NXPH1: variants seen among roughly 807,000 people sequenced by gnomAD.
The protein encoded by NXPH1 is neurexophilin 1.
A neutral mutation model predicts 23.7 loss-of-function variants in NXPH1; 5 were observed. The observed-to-expected ratio is 0.21, with a 90% CI of 0.11 to 0.44. NXPH1 has a LOEUF of 0.44. NXPH1 is among the 20% of genes least tolerant of loss of function. The pLI, the probability that NXPH1 is intolerant of heterozygous loss-of-function variation, is 0.99. For synonymous variants in NXPH1, 144 were observed against 122.2 expected (o/e 1.18, Z -1.18); for missense variants, 324 against 321.6 (o/e 1.01, Z -0.06).
At chr7:8,558,512 A>G (rs912509004) in intron 2 of NXPH1, among the ~76,000 whole-genome samples, 1 of 151,666 alleles carries the variant, frequency 6.6e-6, no homozygotes, top group African/African-American at 2.4e-5. Context: ...ACTACATAAA[A>G]TGATATCTAT....
At chr7:8,708,828 C>G (rs575873017) in intron 2 of NXPH1, among the ~76,000 whole-genome samples, 1 of 152,220 alleles carries the variant, frequency 6.6e-6, no homozygotes, top group East Asian at 1.9e-4. Flanking sequence ...TTCTCTATAT[C>G]TTGCTACTCA....
intron 2 of NXPH1, among the ~76,000 whole-genome samples, chr7:8,614,631 T>C (rs1433357566): frequency 2.6e-5 from 4 of 152,026 alleles, no homozygotes; most frequent in African/African-American, 7.2e-5. Flanking sequence ...TATATGTCTA[T>C]AGTTTCCATT....
intron 2 of NXPH1, among the ~76,000 whole-genome samples, chr7:8,578,472 C>T (rs1369869352): frequency 6.6e-6 from 1 of 152,158 alleles, no homozygotes; most frequent in Non-Finnish European, 1.5e-5. Flanking sequence ...GAATTCATGC[C>T]ATAGATAATA....
chr7:8,747,398 C>T (rs938634202), intron 2 of NXPH1, among the ~76,000 whole-genome samples: 1 of 152,160 alleles, frequency 6.6e-6, no homozygotes, highest in Non-Finnish European at 1.5e-5. Context: ...TCACTACTTC[C>T]ACAAGTTTTA....
At chr7:8,501,553 A>G (rs1232124772) in intron 2 of NXPH1, among the ~76,000 whole-genome samples, 1 of 152,086 alleles carries the variant, frequency 6.6e-6, no homozygotes, top group Non-Finnish European at 1.5e-5. Flanking sequence ...AAATAATTTC[A>G]AAACTCTAGA....
At chr7:8,730,198 T>A (rs1031849215) in intron 2 of NXPH1, among the ~76,000 whole-genome samples, 2 of 149,552 alleles carry the variant, frequency 1.3e-5, no homozygotes, top group Non-Finnish European at 3.0e-5. Flanking sequence ...GCTTGGTAGA[T>A]CTGCCTCCAT....
intron 2 of NXPH1, chr7:8,690,404 C>T (rs1213363975): frequency 1.3e-5 from 2 of 152,252 alleles, no homozygotes; most frequent in East Asian, 3.9e-4. Flanking sequence ...AACCCAAGTA[C>T]TTCACATGTA....
At chr7:8,496,156 C>T (rs558788471) in intron 2 of NXPH1, among the ~76,000 whole-genome samples, 2 of 152,090 alleles carry the variant, frequency 1.3e-5, no homozygotes, top group Admixed American at 1.3e-4. Context: ...ATCTGCCAGA[C>T]CTGGAGAGTG....
chr7:8,745,719 A>ATTTTTTTTT (rs56019801), intron 2 of NXPH1, among the ~76,000 whole-genome samples: 669 of 111,764 alleles, frequency 6.0e-3, no homozygotes, highest in African/African-American at 7.3e-3. Context: ...CGCCCAGCTA[A>ATTTTTTTTT]TTTTTTTTTT....
chr7:8,650,581 C>T (rs1187745421), intron 2 of NXPH1, among the ~76,000 whole-genome samples: 2 of 152,182 alleles, frequency 1.3e-5, no homozygotes, highest in Non-Finnish European at 2.9e-5. Context: ...GGTATTCTTG[C>T]AGCTTTCTCC....
intron 2 of NXPH1, among the ~76,000 whole-genome samples, chr7:8,555,272 T>G (rs1388242676): frequency 6.6e-6 from 1 of 151,704 alleles, no homozygotes; most frequent in Non-Finnish European, 1.5e-5. Flanking sequence ...GTGAATCAAC[T>G]AAGAGCAGCT....
At chr7:8,457,155 G>A (rs1362452964) in intron 2 of NXPH1, among the ~76,000 whole-genome samples, 1 of 152,166 alleles carries the variant, frequency 6.6e-6, no homozygotes, top group Admixed American at 6.5e-5. Flanking sequence ...CTGTGGAAGA[G>A]GCATTAATTC....
At chr7:8,575,173 G>C (rs1818728280) in intron 2 of NXPH1, among the ~76,000 whole-genome samples, 1 of 152,030 alleles carries the variant, frequency 6.6e-6, no homozygotes, top group African/African-American at 2.4e-5. Flanking sequence ...TGCTTAAAAG[G>C]CCAACTCTAA....
chr7:8,502,563 G>A (rs1817454148), intron 2 of NXPH1, among the ~76,000 whole-genome samples: 1 of 151,820 alleles, frequency 6.6e-6, no homozygotes, highest in Non-Finnish European at 1.5e-5. Context: ...CATTAGTGGT[G>A]TGACAAGGGA....
chr7:8,578,031 C>A (rs893324492), intron 2 of NXPH1, among the ~76,000 whole-genome samples: 17 of 152,174 alleles, frequency 1.1e-4, no homozygotes, highest in African/African-American at 3.9e-4. Context: ...TCTAACCACA[C>A]TACTTTTACA....
chr7:8,697,721 G>T (rs1779557130), intron 2 of NXPH1, among the ~76,000 whole-genome samples: 1 of 152,174 alleles, frequency 6.6e-6, no homozygotes, highest in Non-Finnish European at 1.5e-5. Context: ...CAATATTTAG[G>T]TGAAGAAGTC....
intron 2 of NXPH1, among the ~76,000 whole-genome samples, chr7:8,676,773 G>A (rs773101818): frequency 2.6e-5 from 4 of 152,106 alleles, no homozygotes; most frequent in Non-Finnish European, 4.4e-5. Context: ...GGGCTTAAAG[G>A]CCAGAGAGAA....
At chr7:8,631,472 C>G (rs371102594) in intron 2 of NXPH1, among the ~76,000 whole-genome samples, 1 of 152,284 alleles carries the variant, frequency 6.6e-6, no homozygotes, top group East Asian at 1.9e-4. Context: ...AAACTATCAG[C>G]AGAGTAAACA....
intron 2 of NXPH1, among the ~76,000 whole-genome samples, chr7:8,668,437 G>C (rs1335921014): frequency 6.6e-6 from 1 of 152,170 alleles, no homozygotes; most frequent in Non-Finnish European, 1.5e-5. Context: ...CTTGCTACTG[G>C]AGTTCTCATG....
Sources: allele counts gnomAD v4.1 joint callset (sites outside exome capture counted in the v4.1 genomes callset), GRCh38; gene constraint gnomAD v4.1.1; transcripts MANE v1.5; gene names NCBI Gene and HGNC (gene_info 2026-07-23, HGNC 2026-07-21).